The following CSMD1 variants were observed in gnomAD, a reference collection of about 807,000 sequenced individuals.
CSMD1 encodes the protein CUB and Sushi multiple domains 1, also known as CUB and sushi domain-containing protein 1.
In CSMD1, 213 loss-of-function variants were observed where a neutral mutation model predicts 417.5. The observed-to-expected ratio is 0.51, with a 90% CI of 0.46 to 0.57. The LOEUF is 0.57. CSMD1 is among the 20% of genes least tolerant of loss of function. The pLI is 0.00. For missense variants in CSMD1, 6,923 were observed against 4,529.7 expected, an observed-to-expected ratio of 1.53 and a Z score of -15.17; for synonymous variants, 2,862 against 1,736.8, an observed-to-expected ratio of 1.65 and a Z score of -16.11.
chr8:4,982,815 C>G (rs1259893109), intron 1 of CSMD1, among the ~76,000 whole-genome samples: 1 of 152,170 alleles, frequency 6.6e-6, no homozygotes, highest in Non-Finnish European at 1.5e-5. Flanking sequence ...CTCAGCTTTT[C>G]AACACCCTGA....
At chr8:4,704,783 C>T (rs374587497) in intron 1 of CSMD1, among the ~76,000 whole-genome samples, 1 of 152,170 alleles carries the variant, frequency 6.6e-6, no homozygotes, top group African/African-American at 2.4e-5. Flanking sequence ...AAGGGAGTGG[C>T]AGTTGTCCTA....
At chr8:4,346,317 A>C (rs1800775457) in intron 3 of CSMD1, among the ~76,000 whole-genome samples, 1 of 152,178 alleles carries the variant, frequency 6.6e-6, no homozygotes, top group African/African-American at 2.4e-5. Flanking sequence ...AGTGACCATA[A>C]ATCCAGTTTT....
At chr8:3,333,801 G>A (rs1563282279) in intron 23 of CSMD1, among the ~76,000 whole-genome samples, 1 of 152,168 alleles carries the variant, frequency 6.6e-6, no homozygotes. Flanking sequence ...ACCGTAAAAA[G>A]CAAGAAGGCA....
At chr8:4,003,812 G>A (rs565808620) in intron 4 of CSMD1, among the ~76,000 whole-genome samples, 1 of 150,910 alleles carries the variant, frequency 6.6e-6, no homozygotes, top group African/African-American at 2.4e-5. Context: ...TATATTGTAC[G>A]TGTCTGATAT....
chr8:4,128,051 C>T (rs1024982264), intron 3 of CSMD1, among the ~76,000 whole-genome samples: 1 of 152,176 alleles, frequency 6.6e-6, no homozygotes, highest in Non-Finnish European at 1.5e-5. Context: ...TTTATAACAT[C>T]TCAAGAGCAG....
chr8:4,093,852 C>T (rs189093760), intron 3 of CSMD1, among the ~76,000 whole-genome samples: 2 of 151,998 alleles, frequency 1.3e-5, no homozygotes, highest in Admixed American at 1.3e-4. Context: ...TCCCAGCAAT[C>T]GGGAGGCTGA....
chr8:4,607,922 A>G (rs1182337550), intron 2 of CSMD1, among the ~76,000 whole-genome samples: 1 of 152,096 alleles, frequency 6.6e-6, no homozygotes, highest in Non-Finnish European at 1.5e-5. Flanking sequence ...GACACTGGCT[A>G]GTGTTGAGGT....
rs181037785 is a variant in CSMD1 at position 4,583,514 on chromosome 8, A to G, written c.302+53828T>C. On this transcript the variant is annotated intron_variant, in intron 2 of 69. Coordinates refer to ENST00000635120, the MANE Select transcript of CSMD1 (RefSeq NM_033225.6). Reference sequence around the variant, plus strand: ...TAGCTCAGGGATTGTAAATACACCAATCGACACTCTGTATCTTGCTCAAGG... The same window carrying G: ...TAGCTCAGGGATTGTAAATACACCAGTCGACACTCTGTATCTTGCTCAAGG... Among the ~76,000 whole-genome samples, 46 of 151,780 alleles carry G rather than the reference A, an allele frequency of 3.0e-4. 1 individual carries two copies. The highest frequency in any genetic ancestry group is 9.4e-4 in the African/African-American group (39 of 41,382).
intron 3 of CSMD1, among the ~76,000 whole-genome samples, chr8:4,081,398 A>T (rs181678049): frequency 6.6e-6 from 1 of 152,126 alleles, no homozygotes; most frequent in Admixed American, 6.5e-5. Context: ...GATGATTATA[A>T]AAGGCTTTGC....
chr8:4,627,571 T>C (rs1201172482), intron 2 of CSMD1, among the ~76,000 whole-genome samples: 1 of 152,160 alleles, frequency 6.6e-6, no homozygotes, highest in Non-Finnish European at 1.5e-5. Flanking sequence ...ACTAAAGTGA[T>C]TTCTTCATGA....
At chr8:4,363,910 T>C (rs779362844) in intron 3 of CSMD1, among the ~76,000 whole-genome samples, 16 of 152,078 alleles carry the variant, frequency 1.1e-4, no homozygotes, top group Non-Finnish European at 1.5e-4. Context: ...AGAAAGGGTG[T>C]AGGGCAGGGG....
intron 3 of CSMD1, among the ~76,000 whole-genome samples, chr8:4,295,832 A>T (rs1797652672): frequency 6.8e-6 from 1 of 146,722 alleles, no homozygotes; most frequent in African/African-American, 2.5e-5. Context: ...ATTCTCCCTT[A>T]TGCAAATTTC....
chr8:4,530,055 C>T (rs1796719583), intron 2 of CSMD1, among the ~76,000 whole-genome samples: 1 of 151,938 alleles, frequency 6.6e-6, no homozygotes, highest in South Asian at 2.1e-4. Flanking sequence ...GCTGGGACTA[C>T]AGGTGCCCGC....
chr8:4,293,560 C>G (rs572893752), intron 3 of CSMD1, among the ~76,000 whole-genome samples: 2 of 152,144 alleles, frequency 1.3e-5, no homozygotes, highest in Non-Finnish European at 2.9e-5. Context: ...TGTGCCTTAT[C>G]TTCCAAATTA....
At chr8:4,941,199 C>A (rs530424565) in intron 1 of CSMD1, among the ~76,000 whole-genome samples, 1 of 152,172 alleles carries the variant, frequency 6.6e-6, no homozygotes, top group African/African-American at 2.4e-5. Context: ...TTGTAACATT[C>A]ATTCTTGTTT....
intron 50 of CSMD1, among the ~76,000 whole-genome samples, chr8:3,046,845 G>C (rs564762897): frequency 3.3e-5 from 5 of 152,168 alleles, no homozygotes; most frequent in African/African-American, 1.2e-4. Flanking sequence ...ACTAAGATAA[G>C]GAACATAATA....
At chr8:3,096,702 C>G (rs988897717) in intron 47 of CSMD1, 147 bp downstream of exon 47, 1 of 612,484 alleles carries the variant, frequency 1.6e-6, no homozygotes, top group East Asian at 2.8e-5. Context: ...GAATGCATAA[C>G]CCCAAACTAG....
chr8:4,613,807 G>T (rs1801319668), intron 2 of CSMD1, among the ~76,000 whole-genome samples: 1 of 149,148 alleles, frequency 6.7e-6, no homozygotes, highest in African/African-American at 2.5e-5. Flanking sequence ...GGATTCACAT[G>T]GGAAATGGTT....
At chr8:4,156,292 G>C (rs77851757) in intron 3 of CSMD1, among the ~76,000 whole-genome samples, 1,755 of 152,232 alleles carry the variant, frequency 0.012, 19 homozygotes, top group Middle Eastern at 0.071. Context: ...GGTTGAAAAT[G>C]CTTTCTCCTT....
Sources: allele counts gnomAD v4.1 joint callset (sites outside exome capture counted in the v4.1 genomes callset), GRCh38; gene constraint gnomAD v4.1.1; transcripts MANE v1.5; gene names NCBI Gene and HGNC (gene_info 2026-07-23, HGNC 2026-07-21).